Variants in NDUFA12 observed in about 807,000 individuals in gnomAD.
The protein encoded by NDUFA12 is NADH:ubiquinone oxidoreductase subunit A12.
Under a neutral mutation model 20.3 loss-of-function variants are expected in NDUFA12, and 17 were observed. That is an observed-to-expected ratio of 0.84 (90% CI 0.57 to 1.26). The LOEUF is 1.26. Ranked by LOEUF, NDUFA12 falls within the 50% of genes most tolerant of loss-of-function variation. The probability of loss-of-function intolerance (pLI) is 0.00; values close to 1 mark genes in which losing one functional copy is unlikely to be tolerated. For synonymous variants in NDUFA12, 72 were observed against 63.6 expected, an observed-to-expected ratio of 1.13 and a Z score of -0.63; for missense variants, 191 against 183.7, an observed-to-expected ratio of 1.04 and a Z score of -0.23.
rs894466802 is a variant in NDUFA12 at position 95,003,667 on chromosome 12, T to C, written c.14A>G (p.Gln5Arg). Reference sequence around the variant, plus strand: ...CTGCTGCAGCCCGCGTTTCAGGACCTGCACTAACTCCATCTTGCCTCGCTG... The same window carrying C: ...CTGCTGCAGCCCGCGTTTCAGGACCCGCACTAACTCCATCTTGCCTCGCTG... The part of the protein sequence containing the change: MELV[Q>R]VLKRGLQQIT... Residue 5 changes from glutamine (Q) to arginine (R), a missense_variant, in exon 1 of 4, where the codon CAG becomes CGG. Coordinates refer to ENST00000327772, the MANE Select transcript of NDUFA12 (RefSeq NM_018838.5). 1.1e-5 allele frequency: 18 copies of C among 1,614,056 alleles called. No individual in the cohort carries two copies. The highest frequency in any genetic ancestry group is 1.3e-5 in the Non-Finnish European group (15 of 1,180,052).
At chr12:94,980,618 A>T (rs987220574) in intron 3 of NDUFA12, among the ~76,000 whole-genome samples, 1 of 152,050 alleles carries the variant, frequency 6.6e-6, no homozygotes, top group African/African-American at 2.4e-5. Context: ...ACCATACACT[A>T]TTATTTTTTA....
chr12:94,978,207 G>A (rs1401528695), intron 3 of NDUFA12, among the ~76,000 whole-genome samples: 1 of 152,202 alleles, frequency 6.6e-6, no homozygotes, highest in East Asian at 1.9e-4. Flanking sequence ...TGATGTGTCT[G>A]ATTTACATTT....
chr12:94,983,745 G>A (rs1485309496), intron 3 of NDUFA12, among the ~76,000 whole-genome samples: 2 of 128,200 alleles, frequency 1.6e-5, no homozygotes, highest in Non-Finnish European at 3.2e-5. Context: ...CCCATCAACA[G>A]CCTAGGCCAT....
chr12:94,989,888 C>T (rs543694347), intron 3 of NDUFA12, among the ~76,000 whole-genome samples: 1 of 152,276 alleles, frequency 6.6e-6, no homozygotes, highest in South Asian at 2.1e-4. Flanking sequence ...GTTAGATGAA[C>T]ATTTTGAAGC....
chr12:94,995,775 T>C (rs944486963), intron 2 of NDUFA12, among the ~76,000 whole-genome samples: 10 of 152,158 alleles, frequency 6.6e-5, no homozygotes, highest in African/African-American at 2.4e-4. Context: ...AGGTTTACAG[T>C]AGCATCATTC....
chr12:94,988,013 A>G (rs1874511872), intron 3 of NDUFA12, among the ~76,000 whole-genome samples: 2 of 152,094 alleles, frequency 1.3e-5, no homozygotes, highest in South Asian at 4.1e-4. Flanking sequence ...TCACTTCTCC[A>G]CCCAATTAAC....
intron 3 of NDUFA12, among the ~76,000 whole-genome samples, chr12:94,985,012 G>C (rs28768409): frequency 2.0e-5 from 3 of 147,212 alleles, no homozygotes; most frequent in African/African-American, 7.6e-5. Flanking sequence ...CATAAAATAA[G>C]ATAAAATAAA....
chr12:94,984,988 TTAACA>T (rs200120735), intron 3 of NDUFA12, among the ~76,000 whole-genome samples: 38 of 10,600 alleles, frequency 3.6e-3, no homozygotes, highest in African/African-American at 0.015. Flanking sequence ...AAAATTAAAA[TTAACA>T]TAACATAACA....
intron 2 of NDUFA12, among the ~76,000 whole-genome samples, chr12:94,995,445 CTCTCTCTCTCTGTCTG>C (rs1436078672): frequency 6.6e-6 from 1 of 152,186 alleles, no homozygotes; most frequent in African/African-American, 2.4e-5. Flanking sequence ...CTAACAATCT[CTCTCTCTCTCTGTCTG>C]TCTCTCTCTC....
intron 2 of NDUFA12, among the ~76,000 whole-genome samples, chr12:95,001,395 G>A (rs1875020170): frequency 6.6e-6 from 1 of 152,084 alleles, no homozygotes; most frequent in Non-Finnish European, 1.5e-5. Flanking sequence ...TGAGGTGGGA[G>A]GATCACCTGA....
chr12:95,002,387 A>G (rs1439133077), intron 2 of NDUFA12, among the ~76,000 whole-genome samples: 1 of 137,510 alleles, frequency 7.3e-6, no homozygotes, highest in Admixed American at 8.0e-5. Flanking sequence ...GGTTGCAGTG[A>G]GCCGAGATCG....
At position 94,971,441 on chromosome 12, in the gene NDUFA12, T is replaced by C. The variant is rs961475532; in HGVS notation, c.437A>G (p.Ter146=). The part of the protein sequence containing the change: ...EWIPPSTPYK[*] ...TGTTTCAACTGTTCTTCATTGTCTT[T>C]ACTTGTAAGGTGTTGAAGGTGGGAT... The change falls in exon 4 of 4, where the codon TAA becomes TGA. Residue 146 remains the stop codon, a stop_retained_variant. Coordinates refer to ENST00000327772, the MANE Select transcript of NDUFA12 (RefSeq NM_018838.5). 1 of 1,613,864 alleles carries C rather than the reference T, an allele frequency of 6.2e-7. No homozygotes were observed. The highest frequency in any genetic ancestry group is 1.3e-5 in the African/African-American group (1 of 74,950).
intron 2 of NDUFA12, among the ~76,000 whole-genome samples, chr12:94,999,969 T>C (rs10745716): frequency 0.39 from 59,599 of 152,054 alleles, 12,267 homozygotes; most frequent in East Asian, 0.58. Flanking sequence ...GCAATCCCAC[T>C]ACTGGGTATG....
At chr12:94,991,674 C>A (rs1295715860) in intron 3 of NDUFA12, among the ~76,000 whole-genome samples, 1 of 145,956 alleles carries the variant, frequency 6.9e-6, no homozygotes, top group Non-Finnish European at 1.5e-5. Flanking sequence ...TTGCAGTGAG[C>A]CAAGATGGTG....
At chr12:94,997,263 G>C (rs1276382751) in intron 2 of NDUFA12, 1 of 152,618 alleles carries the variant, frequency 6.6e-6, no homozygotes, top group Non-Finnish European at 1.5e-5. Flanking sequence ...TGCATCCAAA[G>C]CAACCACATT....
At chr12:94,993,983 G>A (rs1874736032) in intron 3 of NDUFA12, among the ~76,000 whole-genome samples, 187 bp downstream of exon 3, 2 of 151,984 alleles carry the variant, frequency 1.3e-5, no homozygotes, top group Non-Finnish European at 2.9e-5. Context: ...AATTATCCGG[G>A]TGAGATGGCA....
chr12:94,990,096 C>T (rs1874587055), intron 3 of NDUFA12, among the ~76,000 whole-genome samples: 1 of 152,150 alleles, frequency 6.6e-6, no homozygotes. Flanking sequence ...GTTGATGGTT[C>T]TAAACCTAAA....
At chr12:94,996,458 GC>G (rs909067572) in intron 2 of NDUFA12, among the ~76,000 whole-genome samples, 4 of 151,572 alleles carry the variant, frequency 2.6e-5, no homozygotes, top group South Asian at 2.1e-4. Context: ...ACAGGCATGA[GC>G]CACCATGCCA....
intron 3 of NDUFA12, among the ~76,000 whole-genome samples, chr12:94,985,372 C>A (rs539266609): frequency 3.3e-5 from 5 of 152,108 alleles, no homozygotes; most frequent in African/African-American, 1.2e-4. Context: ...CGCCTGTAAT[C>A]CCAGCACGTT....
Sources: allele counts gnomAD v4.1 joint callset (sites outside exome capture counted in the v4.1 genomes callset), GRCh38; gene constraint gnomAD v4.1.1; transcripts MANE v1.5; gene names NCBI Gene and HGNC (gene_info 2026-07-23, HGNC 2026-07-21).